Variants in DDX60L observed in about 807,000 individuals in gnomAD.
DDX60L encodes the protein probable ATP-dependent RNA helicase DDX60-like.
In DDX60L, 191 loss-of-function variants were observed where a neutral mutation model predicts 211.6. That is an observed-to-expected ratio of 0.90 (90% confidence interval 0.80 to 1.02). The LOEUF is 1.02. DDX60L is among the 50% of genes least tolerant of loss of function. The pLI is 0.00. For missense variants in DDX60L, 2,007 were observed against 1,984.1 expected (o/e 1.01, Z -0.22); for synonymous variants, 706 against 694.1 (o/e 1.02, Z -0.27).
At chr4:168,465,235 G>T (rs762292267) in intron 4 of DDX60L, among the ~76,000 whole-genome samples, 18 of 151,748 alleles carry the variant, frequency 1.2e-4, no homozygotes, top group Admixed American at 2.0e-4. Context: ...GCATTTCTCC[G>T]ATGATTAATA....
chr4:168,458,890 T>A (rs951088769), intron 5 of DDX60L, among the ~76,000 whole-genome samples: 1 of 152,228 alleles, frequency 6.6e-6, no homozygotes, highest in South Asian at 2.1e-4. Context: ...CCCTCATATG[T>A]CTTTAGGACA....
At chr4:168,460,042 AC>A (rs1189048119) in intron 5 of DDX60L, among the ~76,000 whole-genome samples, 1 of 152,220 alleles carries the variant, frequency 6.6e-6, no homozygotes, top group Non-Finnish European at 1.5e-5. Context: ...TCCAACCAAA[AC>A]AAAAAACAAA....
intron 9 of DDX60L, 89 bp downstream of exon 9, chr4:168,448,549 A>G: frequency 9.9e-7 from 1 of 1,013,648 alleles, no homozygotes; most frequent in Non-Finnish European, 1.4e-6. Context: ...TCAAGAAACA[A>G]AAATGTTGCT....
chr4:168,462,708 G>A (rs1757476781), intron 4 of DDX60L, among the ~76,000 whole-genome samples: 1 of 152,160 alleles, frequency 6.6e-6, no homozygotes, highest in Non-Finnish European at 1.5e-5. Context: ...AGCTACTTGG[G>A]AGGCTGAAGC....
chr4:168,361,725 T>C (rs2684350), intron 36 of DDX60L, among the ~76,000 whole-genome samples: 109,913 of 152,088 alleles, frequency 0.72, 40,761 homozygotes, highest in East Asian at 0.85. Flanking sequence ...AGGAAAATGG[T>C]ATGCAAAAGA....
At chr4:168,391,409 A>C in intron 29 of DDX60L, 131 bp downstream of exon 29, 2 of 631,792 alleles carry the variant, frequency 3.2e-6, no homozygotes, top group East Asian at 5.6e-5. Context: ...CACTCAACTC[A>C]AAAATGCTAT....
chr4:168,428,837 A>C (rs182915483), intron 13 of DDX60L, among the ~76,000 whole-genome samples: 4 of 152,300 alleles, frequency 2.6e-5, no homozygotes, highest in African/African-American at 9.6e-5. Context: ...GTTACCTGAT[A>C]CTTTTCCACA....
chr4:168,386,400 G>A (rs1743874535), intron 29 of DDX60L, among the ~76,000 whole-genome samples: 1 of 152,172 alleles, frequency 6.6e-6, no homozygotes, highest in African/African-American at 2.4e-5. Flanking sequence ...CTTCGTGGAA[G>A]AGGTATGTCA....
At chr4:168,367,462 AAG>A (rs1157974597) in intron 36 of DDX60L, among the ~76,000 whole-genome samples, 2 of 152,204 alleles carry the variant, frequency 1.3e-5, no homozygotes, top group Non-Finnish European at 2.9e-5. Flanking sequence ...ATGGAACTCT[AAG>A]TCCAATAAAA....
intron 4 of DDX60L, among the ~76,000 whole-genome samples, chr4:168,465,328 T>C (rs914580454): frequency 8.5e-5 from 13 of 152,108 alleles, no homozygotes; most frequent in African/African-American, 2.9e-4. Context: ...TTGCCCACAT[T>C]TTAATTGGAT....
rs115475782 is a variant in DDX60L at position 168,450,063 on chromosome 4, C to T, written c.997-1284G>A. Among the ~76,000 whole-genome samples, 54 of 152,194 alleles carry T rather than the reference C, an allele frequency of 3.5e-4. 1 individual carries two copies. The highest frequency in any genetic ancestry group is 1.1e-3 in the African/African-American group (45 of 41,528). On this transcript the variant is annotated intron_variant, in intron 8 of 37. Transcript: ENST00000682922. ...ACCCCCTTCATTCCTGGGGACTCGG[C>T]GGCCCATGGAGGACTAACAAATTAG...
At chr4:168,440,828 G>A (rs2149993789) in intron 10 of DDX60L, among the ~76,000 whole-genome samples, 1 of 152,280 alleles carries the variant, frequency 6.6e-6, no homozygotes, top group Non-Finnish European at 1.5e-5. Context: ...AATGGACAGA[G>A]TGTAATATAT....
At chr4:168,459,320 A>G (rs1756993292) in intron 5 of DDX60L, among the ~76,000 whole-genome samples, 1 of 150,888 alleles carries the variant, frequency 6.6e-6, no homozygotes, top group Non-Finnish European at 1.5e-5. Context: ...ACCCTATATA[A>G]ATAAATAAAT....
At chr4:168,442,961 G>A (rs1754174355) in intron 9 of DDX60L, among the ~76,000 whole-genome samples, 1 of 152,180 alleles carries the variant, frequency 6.6e-6, no homozygotes, top group South Asian at 2.1e-4. Flanking sequence ...ACTATAAAAA[G>A]CAGAGCGCCT....
At chr4:168,421,981 T>C in intron 16 of DDX60L, 72 bp from the exon 17 acceptor site, 2 of 1,581,918 alleles carry the variant, frequency 1.3e-6, no homozygotes, top group Non-Finnish European at 1.7e-6. Flanking sequence ...CAGTATCCTT[T>C]GTACCTTCTG....
At chr4:168,464,557 T>C (rs1435618035) in intron 4 of DDX60L, among the ~76,000 whole-genome samples, 6 of 151,854 alleles carry the variant, frequency 4.0e-5, no homozygotes, top group Admixed American at 3.3e-4. Context: ...TTATTACACA[T>C]GTGAACCACC....
intron 7 of DDX60L, 75 bp from the exon 8 acceptor site, chr4:168,453,357 A>C (rs1222740465): frequency 2.8e-6 from 4 of 1,443,188 alleles, no homozygotes; most frequent in Non-Finnish European, 3.7e-6. Flanking sequence ...CACTCCACGA[A>C]GATCATATCT....
At chr4:168,405,690 C>T (rs375448383) in intron 24 of DDX60L, among the ~76,000 whole-genome samples, 40 of 152,248 alleles carry the variant, frequency 2.6e-4, no homozygotes, top group Non-Finnish European at 5.0e-4. Context: ...AAAGGTTCTT[C>T]GTTTTTAGCT....
At position 168,391,590 on chromosome 4, in the gene DDX60L, C is replaced by T. The variant is rs751368986; in HGVS notation, c.3865G>A (p.Val1289Ile). 6 of 1,603,842 alleles carry T rather than the reference C, an allele frequency of 3.7e-6. No individual in the cohort carries two copies. In the African/African-American group the frequency reaches 8.1e-5, roughly 22 times the overall value. The part of the protein sequence containing the change: ...ALGIHMPCKS[V>I]VFAQDSVYLD... Reference sequence around the variant, plus strand: ...TAGACTGAGTCTTGGGCAAAAACAACAGATTTGCATGGCATGTGGATCCCT... The same window carrying T: ...TAGACTGAGTCTTGGGCAAAAACAATAGATTTGCATGGCATGTGGATCCCT... Residue 1289 changes from valine (V) to isoleucine (I), a missense_variant, in exon 29 of 38, where the codon GTT becomes ATT. Transcript: ENST00000682922.
Sources: gnomAD v4.1 joint callset for allele counts (sites outside exome capture counted in the v4.1 genomes callset) on GRCh38, gnomAD v4.1.1 for gene constraint, MANE v1.5 for transcripts, NCBI Gene and HGNC (gene_info 2026-07-23, HGNC 2026-07-21) for gene names.